ZNF670: variants seen among roughly 807,000 people sequenced by gnomAD.
The protein encoded by ZNF670 is zinc finger protein 670.
Under a neutral mutation model 10.9 loss-of-function variants are expected in ZNF670, and 7 were observed. The observed-to-expected ratio is 0.64, with a 90% confidence interval of 0.36 to 1.20. ZNF670 has a LOEUF of 1.20. ZNF670 is among the 50% of genes most tolerant of loss of function. The pLI is 0.02. For missense variants in ZNF670, 446 were observed against 458.6 expected (o/e 0.97, Z 0.25); for synonymous variants, 136 against 152.7 (o/e 0.89, Z 0.81).
chr1:247,039,192 G>A (rs1342414706), intron 2 of ZNF670, among the ~76,000 whole-genome samples: 1 of 151,638 alleles, frequency 6.6e-6, no homozygotes, highest in Non-Finnish European at 1.5e-5. Flanking sequence ...CCAAGTAGCT[G>A]GGATTACAGG....
rs1331720342 is a variant in ZNF670 at position 247,035,814 on chromosome 1, T to C, written c.*1635A>G. Among the ~76,000 whole-genome samples the C allele has an allele frequency of 1.3e-5, 2 of 152,236 alleles. No individual in the cohort carries two copies. The highest frequency in any genetic ancestry group is 2.9e-5 in the Non-Finnish European group (2 of 68,036). On this transcript the variant is annotated 3_prime_UTR_variant, in exon 4 of 4. Coordinates refer to ENST00000366503, the MANE Select transcript of ZNF670 (RefSeq NM_033213.5). ...TTATCAATATGGGTTGAGTGTTTCTTATCTGAAATACTTGGGAACGGAAGT... is the reference window on the plus strand; with the variant it reads ...TTATCAATATGGGTTGAGTGTTTCTCATCTGAAATACTTGGGAACGGAAGT...
chr1:247,063,874 A>G (rs1319419539), intron 1 of ZNF670, among the ~76,000 whole-genome samples: 1 of 152,184 alleles, frequency 6.6e-6, no homozygotes, highest in Non-Finnish European at 1.5e-5. Context: ...AGCTTCCCAG[A>G]GGGCCTTGGG....
chr1:247,045,323 C>T (rs989174482), intron 1 of ZNF670, among the ~76,000 whole-genome samples: 1 of 152,178 alleles, frequency 6.6e-6, no homozygotes, highest in African/African-American at 2.4e-5. Context: ...TTAAATGTGA[C>T]CTCCAATGTT....
intron 1 of ZNF670, among the ~76,000 whole-genome samples, chr1:247,058,965 C>T (rs1184757776): frequency 1.3e-5 from 2 of 152,118 alleles, no homozygotes; most frequent in Non-Finnish European, 2.9e-5. Context: ...GAAGAACTGA[C>T]ACAGATTCTC....
chr1:247,045,524 C>T (rs1490838649), intron 1 of ZNF670, among the ~76,000 whole-genome samples: 1 of 152,192 alleles, frequency 6.6e-6, no homozygotes, highest in Non-Finnish European at 1.5e-5. Flanking sequence ...CCTCTGCCTT[C>T]CGTCTGAGGC....
chr1:247,054,098 T>C (rs1178218625), intron 1 of ZNF670, among the ~76,000 whole-genome samples: 1 of 152,184 alleles, frequency 6.6e-6, no homozygotes, highest in African/African-American at 2.4e-5. Context: ...AGAACTCAGC[T>C]AACTTCAGCA....
chr1:247,077,570 A>G (rs1372943989), intron 1 of ZNF670, among the ~76,000 whole-genome samples: 1 of 152,232 alleles, frequency 6.6e-6, no homozygotes, highest in Non-Finnish European at 1.5e-5. Context: ...ATGTTCAGAA[A>G]TATTTTAAGA....
At chr1:247,068,249 G>C (rs1491004361) in intron 1 of ZNF670, among the ~76,000 whole-genome samples, 2 of 141,424 alleles carry the variant, frequency 1.4e-5, no homozygotes, top group African/African-American at 5.7e-5. Context: ...CCAAGAGGCA[G>C]AGGTTGCAGT....
At chr1:247,049,397 G>C (rs1188090758) in intron 1 of ZNF670, among the ~76,000 whole-genome samples, 1 of 151,998 alleles carries the variant, frequency 6.6e-6, no homozygotes, top group African/African-American at 2.4e-5. Context: ...AGCTTATTTA[G>C]ATTTTCTCTC....
rs561412407 is a variant in ZNF670 at position 247,059,257 on chromosome 1, C to T, written c.3+19337G>A. 8.0e-4 allele frequency among the ~76,000 whole-genome samples: 121 copies of T among 151,540 alleles called. 2 individuals carry two copies. The South Asian group carries it at 0.013, about 16-fold the overall frequency. On this transcript the variant is annotated intron_variant, in intron 1 of 3. Transcript: ENST00000366503. ...GAGATCGAGACCATCCTGGCTAACA[C>T]GGTGAAACCCTGTCTCTACTAAAAA...
chr1:247,042,335 T>C (rs1260013400), intron 1 of ZNF670, among the ~76,000 whole-genome samples: 1 of 152,116 alleles, frequency 6.6e-6, no homozygotes, highest in East Asian at 1.9e-4. Flanking sequence ...CACATGGTGG[T>C]GGGCAATGTC....
chr1:247,068,922 G>A (rs1351995122), intron 1 of ZNF670, among the ~76,000 whole-genome samples: 1 of 148,980 alleles, frequency 6.7e-6, no homozygotes, highest in Non-Finnish European at 1.5e-5. Flanking sequence ...AAATAAGCCA[G>A]GCACAGAAAA....
In ZNF670 at chr1:247,058,658, T is replaced by C. The variant is rs1670777405; in HGVS notation, c.4-19121A>G. On this transcript the variant is annotated intron_variant, in intron 1 of 3. Transcript: ENST00000366503. ...GGGAGAAAGACAAAAGACCAAAATGTTCATCAGAAATAAAAGAGGTTCCAT... is the reference window on the plus strand; with the variant it reads ...GGGAGAAAGACAAAAGACCAAAATGCTCATCAGAAATAAAAGAGGTTCCAT... Among the ~76,000 whole-genome samples the C allele has an allele frequency of 2.0e-5, 3 of 149,442 alleles. No homozygotes were observed. The South Asian group carries it at 6.4e-4, about 32-fold the overall frequency.
At position 247,035,581 on chromosome 1, in the gene ZNF670, A is replaced by C. The variant is rs186239244; in HGVS notation, c.*1868T>G. 5.3e-3 allele frequency among the ~76,000 whole-genome samples: 805 copies of C among 152,334 alleles called. 8 individuals are homozygous for C. The highest frequency in any genetic ancestry group is 0.019 in the African/African-American group (777 of 41,570). ...TAATATACAATTTATTGTAGTGCTA[A>C]TTACACATAATATAAACTAGTTATG... On this transcript the variant is annotated 3_prime_UTR_variant, in exon 4 of 4. Transcript: ENST00000366503.
intron 1 of ZNF670, among the ~76,000 whole-genome samples, chr1:247,053,415 G>A (rs1203469604): frequency 1.3e-5 from 2 of 152,108 alleles, no homozygotes; most frequent in South Asian, 2.1e-4. Flanking sequence ...GGTGGATCAC[G>A]AGGTCAGGAG....
At chr1:247,078,110 T>C (rs1671294692) in intron 1 of ZNF670, among the ~76,000 whole-genome samples, 1 of 152,106 alleles carries the variant, frequency 6.6e-6, no homozygotes, top group African/African-American at 2.4e-5. Context: ...CTTCCTCGGG[T>C]TCCTTACAAA....
chr1:247,049,858 C>G (rs1670550538), intron 1 of ZNF670, among the ~76,000 whole-genome samples: 1 of 152,136 alleles, frequency 6.6e-6, no homozygotes, highest in Non-Finnish European at 1.5e-5. Context: ...GAGTTGATTT[C>G]CAATTATACT....
intron 1 of ZNF670, among the ~76,000 whole-genome samples, chr1:247,056,676 C>T (rs1359892769): frequency 1.3e-5 from 2 of 152,002 alleles, no homozygotes; most frequent in African/African-American, 2.4e-5. Context: ...CTGAGGCAGG[C>T]GGATCATCAG....
rs1197534461 is a variant in ZNF670, at chr1:247,053,576, C to T, written c.4-14039G>A. Among the ~76,000 whole-genome samples, 3 of 152,196 alleles carry T rather than the reference C, an allele frequency of 2.0e-5. No individual in the cohort carries two copies. In the East Asian group the frequency reaches 5.8e-4, roughly 29 times the overall value. ...GCGTGAACCCGTGAGGTGGAGCTTGCAGTGAGCCGAGATCGTGCCACTGCA... is the reference window on the plus strand; with the variant it reads ...GCGTGAACCCGTGAGGTGGAGCTTGTAGTGAGCCGAGATCGTGCCACTGCA... On this transcript the variant is annotated intron_variant, in intron 1 of 3. Coordinates refer to ENST00000366503, the MANE Select transcript of ZNF670 (RefSeq NM_033213.5).
Sources: allele counts gnomAD v4.1 joint callset (sites outside exome capture counted in the v4.1 genomes callset), GRCh38; gene constraint gnomAD v4.1.1; transcripts MANE v1.5; gene names NCBI Gene and HGNC (gene_info 2026-07-23, HGNC 2026-07-21).